Variants in NPSR1 observed in about 807,000 individuals in gnomAD.
NPSR1 encodes neuropeptide S receptor.
Under a neutral mutation model 46.9 loss-of-function variants are expected in NPSR1, and 48 were observed. The ratio of observed to expected loss-of-function variants is 1.02; its 90% CI spans 0.81 to 1.30. The LOEUF (loss-of-function observed/expected upper bound fraction) is 1.30. Among genes scored for constraint, NPSR1 ranks in the 50% most tolerant of loss-of-function variants. NPSR1 has a pLI of 0.00. For missense variants in NPSR1, 450 were observed against 449.5 expected (o/e 1.00, Z -0.01); for synonymous variants, 176 against 168.1 (o/e 1.05, Z -0.36).
At chr7:34,783,563 A>G (rs1279219307) in intron 3 of NPSR1, among the ~76,000 whole-genome samples, 1 of 152,154 alleles carries the variant, frequency 6.6e-6, no homozygotes, top group Non-Finnish European at 1.5e-5. Context: ...ATAGAAGGAG[A>G]TGAGAGAGAC....
intron 8 of NPSR1, among the ~76,000 whole-genome samples, chr7:34,872,589 A>G (rs1429302385): frequency 6.6e-6 from 1 of 151,960 alleles, no homozygotes; most frequent in South Asian, 2.1e-4. Flanking sequence ...TATTCAGGAA[A>G]AAGGGTTTAA....
At chr7:34,829,538 T>C (rs1251737435) in intron 5 of NPSR1, among the ~76,000 whole-genome samples, 20 of 152,202 alleles carry the variant, frequency 1.3e-4, no homozygotes, top group Admixed American at 1.3e-3. Context: ...GAGGCATCGA[T>C]TTCAGTGGCA....
chr7:34,686,579 T>C (rs35938365), intron 2 of NPSR1, among the ~76,000 whole-genome samples: 2,942 of 152,256 alleles, frequency 0.019, 42 homozygotes, highest in African/African-American at 0.038. Flanking sequence ...TTAAGATTTC[T>C]TCAAATTCTG....
At chr7:34,677,897 C>T (rs1043939977) in intron 1 of NPSR1, among the ~76,000 whole-genome samples, 6 of 152,286 alleles carry the variant, frequency 3.9e-5, no homozygotes, top group South Asian at 2.1e-4. Flanking sequence ...AAAACTTGGG[C>T]GAGGCCATGG....
intron 1 of NPSR1, among the ~76,000 whole-genome samples, chr7:34,667,038 C>G (rs762920055): frequency 2.6e-5 from 4 of 152,206 alleles, no homozygotes; most frequent in Non-Finnish European, 5.9e-5. Context: ...AACATCAGCT[C>G]AAAAAACTAC....
intron 3 of NPSR1, among the ~76,000 whole-genome samples, chr7:34,785,003 C>A (rs563695176): frequency 1.3e-4 from 20 of 152,120 alleles, no homozygotes; most frequent in African/African-American, 4.1e-4. Context: ...ACTAGAAATA[C>A]CATTTGACCC....
At chr7:34,706,160 G>C (rs1389275804) in intron 2 of NPSR1, among the ~76,000 whole-genome samples, 3 of 149,674 alleles carry the variant, frequency 2.0e-5, no homozygotes, top group Non-Finnish European at 4.5e-5. Context: ...ATCCAATTTT[G>C]TCTTTTGTTT....
intron 3 of NPSR1, 28 bp downstream of exon 3, chr7:34,778,593 G>A (rs375136304): frequency 3.3e-5 from 44 of 1,343,670 alleles, no homozygotes; most frequent in Non-Finnish European, 4.7e-5. Flanking sequence ...AATGTGATGA[G>A]ACAAACTGAT....
chr7:34,664,143 A>C (rs10243849), intron 1 of NPSR1, among the ~76,000 whole-genome samples: 1 of 152,076 alleles, frequency 6.6e-6, no homozygotes, highest in African/African-American at 2.4e-5. Flanking sequence ...AAGTAAACTC[A>C]GGCTTTTGAG....
intron 2 of NPSR1, among the ~76,000 whole-genome samples, chr7:34,697,364 T>C (rs1387099625): frequency 6.6e-6 from 1 of 151,866 alleles, no homozygotes; most frequent in Non-Finnish European, 1.5e-5. Context: ...TCCCAAATTA[T>C]GAAAACTGAC....
chr7:34,677,137 C>A (rs918620513), intron 1 of NPSR1, among the ~76,000 whole-genome samples: 1 of 152,162 alleles, frequency 6.6e-6, no homozygotes, highest in African/African-American at 2.4e-5. Context: ...TCCAACAATG[C>A]AGATCTGAGC....
At chr7:34,787,390 T>A (rs190931445) in intron 3 of NPSR1, among the ~76,000 whole-genome samples, 50 of 152,272 alleles carry the variant, frequency 3.3e-4, no homozygotes, top group Non-Finnish European at 6.6e-4. Context: ...GCAACTAGTT[T>A]GATCATATAT....
intron 2 of NPSR1, among the ~76,000 whole-genome samples, chr7:34,771,009 G>C (rs1326838061): frequency 6.6e-6 from 1 of 152,200 alleles, no homozygotes; most frequent in Non-Finnish European, 1.5e-5. Flanking sequence ...AGGCCCCACT[G>C]TCACATTGGG....
chr7:34,775,770 A>C (rs1786927510), intron 2 of NPSR1, among the ~76,000 whole-genome samples: 1 of 151,922 alleles, frequency 6.6e-6, no homozygotes, highest in African/African-American at 2.4e-5. Context: ...TCTGCTACTA[A>C]TTTTGAGTTT....
At chr7:34,804,847 C>T (rs1313410190) in intron 3 of NPSR1, among the ~76,000 whole-genome samples, 2 of 151,678 alleles carry the variant, frequency 1.3e-5, no homozygotes, top group African/African-American at 2.4e-5. Flanking sequence ...AAAATGGCAA[C>T]ACTGAAGAAT....
At chr7:34,677,102 T>C (rs939298385) in intron 1 of NPSR1, among the ~76,000 whole-genome samples, 2 of 152,198 alleles carry the variant, frequency 1.3e-5, no homozygotes, top group African/African-American at 4.8e-5. Context: ...GGTGATTTGA[T>C]ATGCAGTGTT....
chr7:34,777,498 T>TC (rs1787021219), intron 2 of NPSR1, among the ~76,000 whole-genome samples: 2 of 150,198 alleles, frequency 1.3e-5, no homozygotes, highest in Non-Finnish European at 3.0e-5. Flanking sequence ...TTTTTTTTTT[T>TC]CTACTTCTTC....
intron 2 of NPSR1, among the ~76,000 whole-genome samples, chr7:34,723,695 G>A (rs948252961): frequency 5.3e-5 from 8 of 151,776 alleles, no homozygotes; most frequent in African/African-American, 1.5e-4. Context: ...TTTTTGAGAG[G>A]GGGATCTCAC....
At chr7:34,670,295 G>T (rs2128674018) in intron 1 of NPSR1, among the ~76,000 whole-genome samples, 1 of 152,074 alleles carries the variant, frequency 6.6e-6, no homozygotes, top group African/African-American at 2.4e-5. Context: ...GAAATATTTT[G>T]CACTGAAAAT....
Sources: allele counts gnomAD v4.1 joint callset (sites outside exome capture counted in the v4.1 genomes callset), GRCh38; gene constraint gnomAD v4.1.1; transcripts MANE v1.5; gene names NCBI Gene and HGNC (gene_info 2026-07-23, HGNC 2026-07-21).